Variants in HEPH observed in about 807,000 individuals in gnomAD.
The protein encoded by HEPH is hephaestin.
In HEPH, 69 loss-of-function variants were observed where a neutral mutation model predicts 80.8. That is an observed-to-expected ratio of 0.85 (90% confidence interval 0.70 to 1.04). The LOEUF (loss-of-function observed/expected upper bound fraction) is 1.04, where lower values mean the gene tolerates loss of function less well. Among genes scored for constraint, HEPH ranks in the 50% least tolerant of loss-of-function variants. HEPH has a pLI of 0.00. For missense variants in HEPH, 1,115 were observed against 891.3 expected, an observed-to-expected ratio of 1.25 and a Z score of -3.20; for synonymous variants, 431 against 322.8, an observed-to-expected ratio of 1.34 and a Z score of -3.60.
In HEPH at chrX:66,193,665, C is replaced by A. The variant is rs1039193233; in HGVS notation, c.1369+27C>A. ...TGAGGAATTTTTAAATTATGAAATTCATTTACTAGAGCCAGAGAATTGAGG... is the reference window on the plus strand; with the variant it reads ...TGAGGAATTTTTAAATTATGAAATTAATTTACTAGAGCCAGAGAATTGAGG... On this transcript the variant is annotated intron_variant, in intron 8 of 20. Transcript: ENST00000343002. 5 of 1,134,863 alleles carry A rather than the reference C, an allele frequency of 4.4e-6. No individual in the cohort carries two copies. In the African/African-American group the frequency reaches 9.1e-5, roughly 21 times the overall value. 93.5% of individuals were successfully genotyped at this position (1,134,863 alleles called of 1,213,427 possible). A position where few individuals can be genotyped will look rare whatever the true frequency, so the allele number is the denominator to read the frequency against.
chrX:66,196,675 G>A (rs904093382), intron 9 of HEPH, among the ~76,000 whole-genome samples: 17 of 111,695 alleles, frequency 1.5e-4, no homozygotes, highest in Non-Finnish European at 3.8e-5. Context: ...TACCTGAGGA[G>A]GACTCCTTTT....
At chrX:66,226,123 C>A (rs1045871874) in intron 15 of HEPH, among the ~76,000 whole-genome samples, 5 of 111,922 alleles carry the variant, frequency 4.5e-5, no homozygotes, top group Admixed American at 3.8e-4. Context: ...TATACAGTGT[C>A]TGTAATCTAC....
intron 3 of HEPH, among the ~76,000 whole-genome samples, chrX:66,173,388 T>A (rs1285085722): frequency 8.9e-6 from 1 of 112,183 alleles, no homozygotes; most frequent in Non-Finnish European, 1.9e-5. Context: ...CCATTGTTAA[T>A]GTGAGGACTG....
chrX:66,262,839 A>G (rs1051646937), intron 19 of HEPH, among the ~76,000 whole-genome samples: 15 of 111,783 alleles, frequency 1.3e-4, no homozygotes, highest in African/African-American at 4.9e-4. Context: ...AATAAAGTGT[A>G]TTAGAGCACT....
At chrX:66,217,298 A>T (rs1177529694) in intron 15 of HEPH, among the ~76,000 whole-genome samples, 1 of 111,441 alleles carries the variant, frequency 9.0e-6, no homozygotes, top group African/African-American at 3.3e-5. Context: ...ACCAGGTAAC[A>T]TATAAAGGAA....
At chrX:66,163,994 T>C (rs2086261983), upstream of HEPH, among the ~76,000 whole-genome samples, 1 of 111,878 alleles carries the variant, frequency 8.9e-6, no homozygotes, top group African/African-American at 3.2e-5. Flanking sequence ...GAAGAGGTGG[T>C]GAGATGGAGG....
At chrX:66,250,483 G>A (rs1389560056) in intron 15 of HEPH, among the ~76,000 whole-genome samples, 4 of 111,236 alleles carry the variant, frequency 3.6e-5, no homozygotes, top group Non-Finnish European at 7.5e-5. Context: ...ACCGCAATCA[G>A]GAATTAGAGC....
At chrX:66,237,080 A>C (rs1282848772) in intron 15 of HEPH, among the ~76,000 whole-genome samples, 1 of 110,530 alleles carries the variant, frequency 9.0e-6, no homozygotes, top group Non-Finnish European at 1.9e-5. Context: ...TGGATTCATT[A>C]ATCTTTTGAA....
intron 15 of HEPH, among the ~76,000 whole-genome samples, chrX:66,252,064 C>T (rs1165293509): frequency 1.8e-5 from 2 of 111,345 alleles, no homozygotes; most frequent in African/African-American, 3.3e-5. Flanking sequence ...ATGGTGGTAG[C>T]AGTGGAGATG....
At chrX:66,219,686 C>T (rs2089553808) in intron 15 of HEPH, among the ~76,000 whole-genome samples, 1 of 111,793 alleles carries the variant, frequency 8.9e-6, no homozygotes, top group African/African-American at 3.3e-5. Flanking sequence ...TTTTCTATAG[C>T]TATGCTTCTC....
intron 15 of HEPH, among the ~76,000 whole-genome samples, chrX:66,244,458 T>A (rs774390628): frequency 6.2e-5 from 7 of 112,177 alleles, no homozygotes; most frequent in Admixed American, 1.9e-4. Flanking sequence ...TGTTAATACT[T>A]GCAATTTTAT....
intron 11 of HEPH, among the ~76,000 whole-genome samples, chrX:66,199,669 A>C (rs1013103352): frequency 8.9e-6 from 1 of 112,151 alleles, no homozygotes; most frequent in Non-Finnish European, 1.9e-5. Context: ...TAAGTAAATC[A>C]CCAGAAAGTA....
chrX:66,186,169 C>T (rs1169407281), intron 4 of HEPH, among the ~76,000 whole-genome samples: 1 of 90,213 alleles, frequency 1.1e-5, no homozygotes, highest in Admixed American at 1.2e-4. Context: ...TGTCTGTGCC[C>T]TGCCCCCAGA....
At chrX:66,214,112 G>C (rs1339463164) in intron 15 of HEPH, among the ~76,000 whole-genome samples, 1 of 111,673 alleles carries the variant, frequency 9.0e-6, no homozygotes, top group African/African-American at 3.3e-5. Context: ...TGTAGATCTA[G>C]CTATCTTAAT....
intron 15 of HEPH, among the ~76,000 whole-genome samples, chrX:66,246,776 G>T (rs1189608724): frequency 1.8e-5 from 2 of 111,850 alleles, no homozygotes; most frequent in Non-Finnish European, 3.8e-5. Context: ...CTGTAGCCCT[G>T]CTACCTTGAT....
intron 12 of HEPH, among the ~76,000 whole-genome samples, chrX:66,201,003 G>A (rs1050811352): frequency 8.9e-6 from 1 of 111,842 alleles, no homozygotes; most frequent in African/African-American, 3.3e-5. Flanking sequence ...CAGAAGGGAA[G>A]TTGGGATGTT....
At chrX:66,236,811 T>A (rs371733110) in intron 15 of HEPH, among the ~76,000 whole-genome samples, 5 of 111,424 alleles carry the variant, frequency 4.5e-5, no homozygotes, top group Non-Finnish European at 9.4e-5. Flanking sequence ...TTTATTGGCC[T>A]GTTCAGAAAT....
At chrX:66,224,630 G>A (rs1157451497) in intron 15 of HEPH, among the ~76,000 whole-genome samples, 1 of 112,033 alleles carries the variant, frequency 8.9e-6, no homozygotes, top group Non-Finnish European at 1.9e-5. Context: ...CCATCCAGGG[G>A]TTACTGGGTT....
At position 66,200,610 on chromosome X, in the gene HEPH, C is replaced by T. The variant is rs758400286; in HGVS notation, c.1935C>T (p.His645=). ...GCAAGGGTGACACAGTGGCCTGGCA[C>T]CTGCTCGGCCTGGGCACAGAGACTG... The part of the protein sequence containing the change: ...DMCKGDTVAW[H]LLGLGTETDV... Residue 645 remains histidine, a synonymous_variant, in exon 12 of 21, where the codon CAC becomes CAT. Transcript: ENST00000343002. 8.3e-7 allele frequency: 1 copy of T among 1,209,879 alleles called. No homozygotes were observed. Among genetic ancestry groups the T allele is most frequent in the African/African-American group, 1.7e-5 (1 of 57,724 alleles).
Sources: gnomAD v4.1 joint callset for allele counts (sites outside exome capture counted in the v4.1 genomes callset) on GRCh38, gnomAD v4.1.1 for gene constraint, MANE v1.5 for transcripts, NCBI Gene and HGNC (gene_info 2026-07-23, HGNC 2026-07-21) for gene names.